Variants in TMPRSS9 observed in about 807,000 individuals in gnomAD.
TMPRSS9 encodes the protein transmembrane protease serine 9.
A neutral mutation model predicts 111.4 loss-of-function variants in TMPRSS9; 113 were observed. That is an observed-to-expected ratio of 1.01 (90% CI 0.87 to 1.19). The LOEUF (loss-of-function observed/expected upper bound fraction) is 1.19, where lower values mean the gene tolerates loss of function less well. Ranked by LOEUF, TMPRSS9 falls within the 50% of genes most tolerant of loss-of-function variation. The pLI is 0.00. For synonymous variants in TMPRSS9, 805 were observed against 659.1 expected, an observed-to-expected ratio of 1.22 and a Z score of -3.39; for missense variants, 1,803 against 1,513.1, an observed-to-expected ratio of 1.19 and a Z score of -3.18.
At chr19:2,390,107 T>C (rs1241624936) in intron 1 of TMPRSS9, among the ~76,000 whole-genome samples, 180 bp downstream of exon 2, 1 of 151,978 alleles carries the variant, frequency 6.6e-6, no homozygotes, top group African/African-American at 2.4e-5. Flanking sequence ...AGTTCCTACG[T>C]GTGTCAGTTT....
chr19:2,384,062 C>T (rs185976769), intron 1 of TMPRSS9, among the ~76,000 whole-genome samples: 2 of 152,230 alleles, frequency 1.3e-5, no homozygotes, highest in East Asian at 3.9e-4. Context: ...ACTCCACTCC[C>T]TCCAGAGAAG....
chr19:2,370,595 C>G (rs2145245738), intron 1 of TMPRSS9, among the ~76,000 whole-genome samples: 1 of 152,198 alleles, frequency 6.6e-6, no homozygotes, highest in East Asian at 1.9e-4. Context: ...TCCCAAGGTG[C>G]TGGGATTACA....
chr19:2,404,507 T>C (rs1220400781), intron 6 of TMPRSS9, among the ~76,000 whole-genome samples: 2 of 147,752 alleles, frequency 1.4e-5, no homozygotes, highest in Middle Eastern at 4.0e-3. Flanking sequence ...CACGCCACTG[T>C]ACTCCAGCCT....
In TMPRSS9 at chr19:2,390,072, G is replaced by A. The variant is rs529417437; in HGVS notation, c.142+145G>A. 312 of 1,014,518 alleles carry A rather than the reference G, an allele frequency of 3.1e-4. 1 individual carries two copies. The highest frequency in any genetic ancestry group is 4.0e-4 in the Non-Finnish European group (279 of 699,094). The allele number at this position is 1,014,518 out of a possible 1,614,324, so 62.8% of individuals were successfully genotyped here. On this transcript the variant is annotated intron_variant, in intron 1 of 17. Transcript: ENST00000648592. ...AGATGAAGGCTGCCCTAGGCCAGGCGGGTGGGCGGGGAGTGGAGCAGATGA... is the reference window on the plus strand; with the variant it reads ...AGATGAAGGCTGCCCTAGGCCAGGCAGGTGGGCGGGGAGTGGAGCAGATGA...
intron 6 of TMPRSS9, among the ~76,000 whole-genome samples, chr19:2,403,950 G>A (rs1450940971): frequency 1.4e-5 from 2 of 140,748 alleles, no homozygotes; most frequent in South Asian, 2.2e-4. Context: ...CCAAGATCAC[G>A]CCACTGCACT....
At position 2,411,299 on chromosome 19, in the gene TMPRSS9, C is replaced by CAAA. The variant is rs771305642; in HGVS notation, c.1254+937_1254+939dup. ...TGGGCGACAAAGCAAGACTCTGTCT[C>CAAA]AAAAAAAAAAAAAAAAAAAAAAAAA... On this transcript the variant is annotated intron_variant, in intron 9 of 17. Coordinates refer to ENST00000648592, the Ensembl canonical transcript of TMPRSS9. Among the ~76,000 whole-genome samples the CAAA allele has an allele frequency of 5.1e-3, 166 of 32,326 alleles. 7 individuals are homozygous for CAAA. Among genetic ancestry groups the CAAA allele is most frequent in the East Asian group, 0.018 (10 of 562 alleles). The allele number at this position is 32,326 out of a possible 152,430, so 21.2% of individuals were successfully genotyped here.
In TMPRSS9 at chr19:2,424,165, G is replaced by A. The variant is rs553518701; in HGVS notation, c.2625G>A (p.Gln875=). Residue 875 remains glutamine, a synonymous_variant, in exon 15 of 18, where the codon CAG becomes CAA. Coordinates refer to ENST00000648592, the Ensembl canonical transcript of TMPRSS9. ...CGGGCCGTGGGGAGTGGCCGTGGCAGGTGAGCCTGTGGCTGCGGCGCCGGG... is the reference window on the plus strand; with the variant it reads ...CGGGCCGTGGGGAGTGGCCGTGGCAAGTGAGCCTGTGGCTGCGGCGCCGGG... The A allele has an allele frequency of 2.2e-5, 32 of 1,466,648 alleles. No individual in the cohort carries two copies. The African/African-American group carries it at 4.4e-4, about 20-fold the overall frequency. The allele number at this position is 1,466,648 out of a possible 1,614,324, so 90.9% of individuals were successfully genotyped here.
intron 16 of TMPRSS9, 21 bp from the exon 18 acceptor site, chr19:2,425,336 G>A (rs1376416719): frequency 4.2e-6 from 6 of 1,435,200 alleles, no homozygotes; most frequent in East Asian, 3.3e-5. Flanking sequence ...CACCCGCCCC[G>A]TCTCGCTCGC....
intron 8 of TMPRSS9, among the ~76,000 whole-genome samples, chr19:2,409,018 A>AATAATAATAATC (rs1971037901): frequency 7.0e-6 from 1 of 142,296 alleles, no homozygotes; most frequent in Non-Finnish European, 1.5e-5. Flanking sequence ...TAATAATAAT[A>AATAATAATAATC]ATAATAATAA....
rs147534568 is a variant in TMPRSS9 at position 2,416,758 on chromosome 19, G to A, written c.1966G>A (p.Val656Met). ...GCCCCTGGCCATCCAGAAGTTCCCTGTGGGCCGGAAGTGCATGATCTCCGG... is the reference window on the plus strand; with the variant it reads ...GCCCCTGGCCATCCAGAAGTTCCCTATGGGCCGGAAGTGCATGATCTCCGG... Residue 656 changes from valine (V) to methionine (M), a missense_variant, in exon 12 of 18, where the codon GTG becomes ATG. Val to Met is a conservative substitution (Grantham distance 21, BLOSUM62 1). Transcript: ENST00000648592. 6,907 of 1,612,796 alleles carry A rather than the reference G, an allele frequency of 4.3e-3. 42 individuals carry two copies. Among genetic ancestry groups the A allele is most frequent in the Non-Finnish European group, 5.1e-3 (5,982 of 1,179,978 alleles).
At chr19:2,363,807 T>TGCAC (rs1970225289) in intron 1 of TMPRSS9, among the ~76,000 whole-genome samples, 4 of 105,980 alleles carry the variant, frequency 3.8e-5, no homozygotes, top group Admixed American at 3.3e-4. Flanking sequence ...TGTGTGTGCG[T>TGCAC]GCGCGCGTGT....
intron 17 of TMPRSS9, 174 bp downstream of exon 18, chr19:2,425,667 T>G (rs2145431326): frequency 1.5e-6 from 2 of 1,302,626 alleles, no homozygotes; most frequent in East Asian, 2.9e-5. Context: ...AGCCGTTTAT[T>G]GGGCAACCCA....
intron 4 of TMPRSS9, among the ~76,000 whole-genome samples, chr19:2,399,909 T>G (rs1970794203): frequency 1.3e-5 from 2 of 152,108 alleles, no homozygotes; most frequent in East Asian, 3.9e-4. Flanking sequence ...TTTTGTATTT[T>G]TAGTGAGATG....
chr19:2,408,584 C>G, exon 8 of TMPRSS9: 1 of 1,613,464 alleles, frequency 6.2e-7, no homozygotes, highest in Non-Finnish European at 8.5e-7. Flanking sequence ...TCCCACCCAG[C>G]AAGAAGTGCC....
At chr19:2,413,108 T>A (rs1457843583) in intron 9 of TMPRSS9, among the ~76,000 whole-genome samples, 1 of 151,972 alleles carries the variant, frequency 6.6e-6, no homozygotes, top group African/African-American at 2.4e-5. Context: ...GGCAGGAGAA[T>A]TGCTTGAACC....
intron 2 of TMPRSS9, among the ~76,000 whole-genome samples, chr19:2,397,087 A>AT (rs1445778018): frequency 6.6e-6 from 1 of 150,606 alleles, no homozygotes; most frequent in Non-Finnish European, 1.5e-5. Flanking sequence ...CGTCCAGCTG[A>AT]TTTTTGTATT....
At chr19:2,388,774 C>T (rs1198549886), upstream of TMPRSS9, among the ~76,000 whole-genome samples, 2 of 151,992 alleles carry the variant, frequency 1.3e-5, no homozygotes, top group Non-Finnish European at 2.9e-5. Context: ...GCATGAGCCA[C>T]CACATCTGGC....
chr19:2,388,482 A>C (rs72971409), upstream of TMPRSS9, among the ~76,000 whole-genome samples: 5,425 of 152,314 alleles, frequency 0.036, 111 homozygotes, highest in Non-Finnish European at 0.046. Flanking sequence ...CTGAGGCTTA[A>C]GACGCTGGTA....
chr19:2,374,826 G>T (rs1970318721), intron 1 of TMPRSS9, among the ~76,000 whole-genome samples: 1 of 152,134 alleles, frequency 6.6e-6, no homozygotes, highest in Non-Finnish European at 1.5e-5. Flanking sequence ...TGATTGTATT[G>T]TGTTCTTCTC....
Sources: allele counts gnomAD v4.1 joint callset (sites outside exome capture counted in the v4.1 genomes callset), GRCh38; gene constraint gnomAD v4.1.1; transcripts MANE v1.5; gene names NCBI Gene and HGNC (gene_info 2026-07-23, HGNC 2026-07-21).